Variants in TWIST2 observed in about 807,000 individuals in gnomAD.
TWIST2 encodes the protein twist family bHLH transcription factor 2.
In TWIST2, 1 loss-of-function variant was observed where a neutral mutation model predicts 11.6. That is an observed-to-expected ratio of 0.09 (90% CI 0.03 to 0.41). The LOEUF (loss-of-function observed/expected upper bound fraction) is 0.41, where lower values mean the gene tolerates loss of function less well. TWIST2 is among the 10% of genes least tolerant of loss of function. The probability of loss-of-function intolerance (pLI) is 0.98; values close to 1 mark genes in which losing one functional copy is unlikely to be tolerated. For missense variants in TWIST2, 168 were observed against 226.4 expected (o/e 0.74, Z 1.66); for synonymous variants, 87 against 96.6 (o/e 0.90, Z 0.58).
chr2:238,848,211 G>A lies in TWIST2; in HGVS notation c.-5G>A. The A allele has an allele frequency of 1.5e-6, 2 of 1,306,112 alleles. No individual in the cohort carries two copies. Among genetic ancestry groups the A allele is most frequent in the Admixed American group, 3.8e-5 (1 of 26,306 alleles). 80.9% of individuals were successfully genotyped at this position (1,306,112 alleles called of 1,614,324 possible). The stretch of plus-strand genomic sequence containing the variant: ...CCCCAGCCCCACGCGCGCCGGGCGG[G>A]CGCCATGGAGGAGGGCTCCAGCTCG... On this transcript the variant is annotated 5_prime_UTR_variant, in exon 1 of 2. Coordinates refer to ENST00000612363, the MANE Select transcript of TWIST2 (RefSeq NM_001271893.4).
intron 1 of TWIST2, among the ~76,000 whole-genome samples, chr2:238,855,889 A>T (rs958971124): frequency 4.0e-5 from 6 of 151,546 alleles, no homozygotes; most frequent in Admixed American, 6.6e-5. Flanking sequence ...GTGCTTGGCG[A>T]CTCCCTCTCC....
intron 1 of TWIST2, among the ~76,000 whole-genome samples, chr2:238,896,182 G>A (rs1174287252): frequency 3.9e-5 from 6 of 152,162 alleles, no homozygotes; most frequent in South Asian, 2.1e-4. Context: ...AGACGGCTCC[G>A]CAGTCGCCTG....
Position 238,906,728 on chromosome 2 carries a change from C to T in TWIST2, c.*36-3114C>T, listed in dbSNP as rs1247042622. 5.3e-5 allele frequency among the ~76,000 whole-genome samples: 8 copies of T among 152,310 alleles called. No individual in the cohort carries two copies. The East Asian group carries it at 1.6e-3, about 30-fold the overall frequency. ...AGCTTCCACATCCTCCCCCCAGTGC[C>T]TGGGGCCTCCCTGGACCTCCTTCCC... On this transcript the variant is annotated intron_variant, in intron 1 of 1. Transcript: ENST00000612363.
intron 1 of TWIST2, among the ~76,000 whole-genome samples, chr2:238,853,235 A>C (rs1362489153): frequency 6.6e-6 from 1 of 152,218 alleles, no homozygotes; most frequent in Non-Finnish European, 1.5e-5. Flanking sequence ...TTAAGATACT[A>C]ATTTTATATT....
At chr2:238,885,152 G>A (rs920797886) in intron 1 of TWIST2, among the ~76,000 whole-genome samples, 3 of 152,186 alleles carry the variant, frequency 2.0e-5, no homozygotes, top group African/African-American at 7.2e-5. Context: ...GTGAGCATGA[G>A]GTGCCCCCTC....
intron 1 of TWIST2, among the ~76,000 whole-genome samples, chr2:238,893,483 C>T (rs1426071394): frequency 6.6e-6 from 1 of 152,164 alleles, no homozygotes; most frequent in Non-Finnish European, 1.5e-5. Context: ...CCGCCCTCCC[C>T]AGAAGCACAG....
chr2:238,856,798 C>T (rs1574746670), intron 1 of TWIST2, among the ~76,000 whole-genome samples: 5 of 152,230 alleles, frequency 3.3e-5, no homozygotes, highest in East Asian at 3.9e-4. Flanking sequence ...CCCTTCCTGC[C>T]GTTCTCAGAA....
intron 1 of TWIST2, among the ~76,000 whole-genome samples, chr2:238,908,101 A>ACACAC (rs1693386391): frequency 6.7e-6 from 1 of 148,818 alleles, no homozygotes; most frequent in Non-Finnish European, 1.5e-5. Flanking sequence ...TACCACACAC[A>ACACAC]CAGACATACC....
chr2:238,871,293 T>A (rs1453256801), intron 1 of TWIST2, among the ~76,000 whole-genome samples: 4 of 7,378 alleles, frequency 5.4e-4, no homozygotes, highest in African/African-American at 6.9e-4. Context: ...TCCCACACAC[T>A]CCCCACACAC....
In TWIST2 at chr2:238,895,747, G is replaced by A. The variant is rs1268829526; in HGVS notation, c.*36-14095G>A. The stretch of plus-strand genomic sequence containing the variant: ...TGCGGCCTCAGCCCCGGTAGAGCCC[G>A]CCCTGGAGAGCCTGGGGGTTGCCAG... On this transcript the variant is annotated intron_variant, in intron 1 of 1. Coordinates refer to ENST00000612363, the MANE Select transcript of TWIST2 (RefSeq NM_001271893.4). Among the ~76,000 whole-genome samples the A allele has an allele frequency of 5.3e-5, 8 of 152,302 alleles. 1 individual carries two copies. Among genetic ancestry groups the A allele is most frequent in the African/African-American group, 1.4e-4 (6 of 41,568 alleles).
chr2:238,861,228 C>T (rs1692428189), intron 1 of TWIST2, among the ~76,000 whole-genome samples: 1 of 152,206 alleles, frequency 6.6e-6, no homozygotes, highest in African/African-American at 2.4e-5. Context: ...AGGGGTTCTT[C>T]CCACAGCTGC....
intron 1 of TWIST2, among the ~76,000 whole-genome samples, chr2:238,894,772 C>T (rs1442675661): frequency 6.6e-6 from 1 of 152,188 alleles, no homozygotes; most frequent in Non-Finnish European, 1.5e-5. Flanking sequence ...TCCTTGAAGA[C>T]CTGGCTGCAA....
intron 1 of TWIST2, among the ~76,000 whole-genome samples, chr2:238,888,329 C>T (rs1417870519): frequency 7.1e-6 from 1 of 141,674 alleles, no homozygotes; most frequent in Non-Finnish European, 1.5e-5. Flanking sequence ...TTTCATCCTT[C>T]TTGTTTGATT....
intron 1 of TWIST2, among the ~76,000 whole-genome samples, chr2:238,883,175 G>A (rs1362712819): frequency 6.6e-6 from 1 of 152,160 alleles, no homozygotes; most frequent in Non-Finnish European, 1.5e-5. Context: ...TTCCTTGGAG[G>A]ACAGCCGCGG....
At chr2:238,873,308 G>T (rs1294191341) in intron 1 of TWIST2, among the ~76,000 whole-genome samples, 2 of 152,140 alleles carry the variant, frequency 1.3e-5, no homozygotes, top group Non-Finnish European at 2.9e-5. Flanking sequence ...GAGGGGAGGG[G>T]AGGGCAGGCA....
intron 1 of TWIST2, among the ~76,000 whole-genome samples, chr2:238,868,781 G>T (rs998950177): frequency 6.6e-6 from 1 of 152,256 alleles, no homozygotes; most frequent in Non-Finnish European, 1.5e-5. Flanking sequence ...TGATCCACAG[G>T]CATGGTAGGG....
intron 1 of TWIST2, among the ~76,000 whole-genome samples, chr2:238,903,658 G>GTGTGATGTGTGTGTGATA (rs1693308892): frequency 0.015 from 1 of 66 alleles, no homozygotes; most frequent in African/African-American, 0.045. Flanking sequence ...TGTGAGGTGT[G>GTGTGATGTGTGTGTGATA]TNNNNNNNNN....
chr2:238,872,286 C>G (rs1692720797), intron 1 of TWIST2, among the ~76,000 whole-genome samples: 1 of 152,150 alleles, frequency 6.6e-6, no homozygotes, highest in Non-Finnish European at 1.5e-5. Flanking sequence ...GGGCTGGACA[C>G]TGGGCTGAGC....
intron 1 of TWIST2, among the ~76,000 whole-genome samples, chr2:238,887,609 G>T (rs558603473): frequency 8.5e-5 from 13 of 152,330 alleles, no homozygotes; most frequent in African/African-American, 2.9e-4. Flanking sequence ...AGCCCCTGTG[G>T]TTAGGCAGGG....
Sources: allele counts gnomAD v4.1 joint callset (sites outside exome capture counted in the v4.1 genomes callset), GRCh38; gene constraint gnomAD v4.1.1; transcripts MANE v1.5; gene names NCBI Gene and HGNC (gene_info 2026-07-23, HGNC 2026-07-21).